Variants in LRRTM4 observed in about 807,000 individuals in gnomAD.
The protein encoded by LRRTM4 is leucine rich repeat transmembrane neuronal 4, also known as leucine-rich repeat transmembrane neuronal protein 4.
In LRRTM4, 25 loss-of-function variants were observed where a neutral mutation model predicts 47.6. That is an observed-to-expected ratio of 0.53 (90% CI 0.38 to 0.73). LRRTM4 has a LOEUF of 0.73. Among genes scored for constraint, LRRTM4 ranks in the 30% least tolerant of loss-of-function variants. LRRTM4 has a pLI of 0.00. For missense variants in LRRTM4, 638 were observed against 713.4 expected, an observed-to-expected ratio of 0.89 and a Z score of 1.20; for synonymous variants, 311 against 269.5, an observed-to-expected ratio of 1.15 and a Z score of -1.51.
intron 3 of LRRTM4, among the ~76,000 whole-genome samples, chr2:77,220,992 C>G (rs1386307478): frequency 1.3e-5 from 2 of 152,198 alleles, no homozygotes; most frequent in Non-Finnish European, 2.9e-5. Context: ...GCCCATCAGA[C>G]TAACAGCTGA....
intron 3 of LRRTM4, among the ~76,000 whole-genome samples, chr2:76,801,742 A>T (rs1675699294): frequency 6.6e-6 from 1 of 152,134 alleles, no homozygotes; most frequent in African/African-American, 2.4e-5. Context: ...CAGCAAACTA[A>T]ATTCAATAGC....
At chr2:77,004,064 C>T (rs1677538940) in intron 3 of LRRTM4, among the ~76,000 whole-genome samples, 1 of 152,100 alleles carries the variant, frequency 6.6e-6, no homozygotes, top group Admixed American at 6.5e-5. Flanking sequence ...GAAGAAATTT[C>T]TAAGTAGCAA....
chr2:76,804,277 G>C (rs373143834), intron 3 of LRRTM4, among the ~76,000 whole-genome samples: 1 of 152,178 alleles, frequency 6.6e-6, no homozygotes, highest in African/African-American at 2.4e-5. Context: ...TTTTTAATTT[G>C]TTATTTCTCA....
chr2:76,815,805 A>G (rs1000055767), intron 3 of LRRTM4, among the ~76,000 whole-genome samples: 3 of 152,154 alleles, frequency 2.0e-5, no homozygotes, highest in African/African-American at 7.2e-5. Context: ...AATGTAAAAC[A>G]AAACATAAAG....
chr2:76,880,105 G>T (rs1672886381), intron 3 of LRRTM4, among the ~76,000 whole-genome samples: 1 of 152,160 alleles, frequency 6.6e-6, no homozygotes, highest in African/African-American at 2.4e-5. Context: ...CAAAGGACAT[G>T]GAATATCACA....
At position 76,896,213 on chromosome 2, in the gene LRRTM4, AACAC is replaced by A. The variant is rs370633581; in HGVS notation, c.1552-147301_1552-147298del. Among the ~76,000 whole-genome samples the A allele has an allele frequency of 5.4e-3, 810 of 151,098 alleles. 10 individuals are homozygous for A. Among genetic ancestry groups the A allele is most frequent in the Non-Finnish European group, 4.5e-3 (307 of 67,562 alleles). On this transcript the variant is annotated intron_variant, in intron 3 of 3. Coordinates refer to ENST00000409884, the MANE Select transcript of LRRTM4 (RefSeq NM_001134745.3). The stretch of plus-strand genomic sequence containing the variant: ...TCTCCATCTCCTATGCACACACACA[AACAC>A]ACACACACACAGACACACGATTTAG...
intron 3 of LRRTM4, among the ~76,000 whole-genome samples, chr2:77,491,731 G>A (rs955967530): frequency 2.0e-5 from 3 of 151,928 alleles, no homozygotes; most frequent in East Asian, 1.9e-4. Flanking sequence ...GAGGGAAAGA[G>A]TAAAGGAATA....
At chr2:77,378,541 G>T (rs1310848013) in intron 3 of LRRTM4, among the ~76,000 whole-genome samples, 1 of 152,022 alleles carries the variant, frequency 6.6e-6, no homozygotes, top group Admixed American at 6.6e-5. Context: ...TAATTTTTGA[G>T]ACTTTATTTG....
intron 3 of LRRTM4, among the ~76,000 whole-genome samples, chr2:76,923,115 A>G (rs1011997529): frequency 4.6e-5 from 7 of 152,124 alleles, no homozygotes; most frequent in Non-Finnish European, 7.4e-5. Flanking sequence ...CTTTCAATGA[A>G]TTAAACTTCT....
chr2:77,496,950 T>A (rs1678386634), intron 3 of LRRTM4, among the ~76,000 whole-genome samples: 1 of 151,824 alleles, frequency 6.6e-6, no homozygotes, highest in African/African-American at 2.4e-5. Flanking sequence ...TGGGTAAGCT[T>A]GTAAGTACAC....
intron 3 of LRRTM4, among the ~76,000 whole-genome samples, chr2:77,468,528 C>T (rs141419985): frequency 1.2e-3 from 189 of 152,270 alleles, no homozygotes; most frequent in Non-Finnish European, 2.0e-3. Flanking sequence ...ATTGAAGTAT[C>T]TGGGCGTCAA....
intron 3 of LRRTM4, among the ~76,000 whole-genome samples, chr2:76,837,552 T>C (rs1262504770): frequency 3.9e-5 from 6 of 152,136 alleles, no homozygotes; most frequent in Non-Finnish European, 7.4e-5. Flanking sequence ...CTGCTTTGAA[T>C]GTGTCCCAGA....
At chr2:77,133,160 T>G (rs894007262) in intron 3 of LRRTM4, among the ~76,000 whole-genome samples, 1 of 152,160 alleles carries the variant, frequency 6.6e-6, no homozygotes, top group Non-Finnish European at 1.5e-5. Flanking sequence ...TATGCCTTTG[T>G]TGAGTTTTAT....
chr2:76,784,823 C>CTAAA (rs1674586638), intron 3 of LRRTM4, among the ~76,000 whole-genome samples: 1 of 151,914 alleles, frequency 6.6e-6, no homozygotes, highest in Non-Finnish European at 1.5e-5. Context: ...AAATGAAATA[C>CTAAA]TAAATATACC....
intron 3 of LRRTM4, among the ~76,000 whole-genome samples, chr2:77,181,457 A>G (rs921154575): frequency 1.3e-5 from 2 of 152,174 alleles, no homozygotes; most frequent in African/African-American, 4.8e-5. Context: ...GCAACAAATG[A>G]CTTAGAATTG....
At chr2:77,084,731 C>CT (rs1190580893) in intron 3 of LRRTM4, among the ~76,000 whole-genome samples, 2 of 152,090 alleles carry the variant, frequency 1.3e-5, no homozygotes, top group Non-Finnish European at 2.9e-5. Flanking sequence ...ATAATGGGAC[C>CT]TACTATTTCA....
At position 77,159,278 on chromosome 2, in the gene LRRTM4, A is replaced by G. The variant is rs1264552897; in HGVS notation, c.1551+359040T>C. Among the ~76,000 whole-genome samples the G allele has an allele frequency of 5.9e-5, 9 of 152,198 alleles. No individual in the cohort carries two copies. In the East Asian group the frequency reaches 1.7e-3, roughly 29 times the overall value. ...GTTGACCAGAAATCTTACTGAGATA[A>G]ACAGTCAGTTGATGAACATTTTGTG... On this transcript the variant is annotated intron_variant, in intron 3 of 3. Transcript: ENST00000409884.
At chr2:76,962,258 C>T (rs566621560) in intron 3 of LRRTM4, among the ~76,000 whole-genome samples, 4 of 151,122 alleles carry the variant, frequency 2.6e-5, no homozygotes, top group African/African-American at 9.7e-5. Context: ...TACAAAACAG[C>T]ATGTACAAGA....
intron 3 of LRRTM4, among the ~76,000 whole-genome samples, chr2:77,302,408 C>G (rs534117711): frequency 6.6e-6 from 1 of 152,260 alleles, no homozygotes; most frequent in African/African-American, 2.4e-5. Flanking sequence ...CATGACAATT[C>G]AGATGCTGTT....
Sources: gnomAD v4.1 joint callset for allele counts (sites outside exome capture counted in the v4.1 genomes callset) on GRCh38, gnomAD v4.1.1 for gene constraint, MANE v1.5 for transcripts, NCBI Gene and HGNC (gene_info 2026-07-23, HGNC 2026-07-21) for gene names.